Variants in CAPRIN1 observed in about 807,000 individuals in gnomAD.
The protein encoded by CAPRIN1 is caprin-1.
Under a neutral mutation model 100.9 loss-of-function variants are expected in CAPRIN1, and 29 were observed. That is an observed-to-expected ratio of 0.29 (90% CI 0.21 to 0.39). The LOEUF is 0.39. CAPRIN1 is among the 10% of genes least tolerant of loss of function. The pLI is 1.00. For missense variants in CAPRIN1, 795 were observed against 876.7 expected (o/e 0.91, Z 1.18); for synonymous variants, 338 against 307.5 (o/e 1.10, Z -1.04).
intron 18 of CAPRIN1, chr11:34,098,874 G>A: frequency 1.0e-6 from 1 of 992,806 alleles, no homozygotes; most frequent in Non-Finnish European, 1.2e-6. Flanking sequence ...TTTCATTCTG[G>A]TGCTTTTATT....
At chr11:34,078,432 A>T (rs1850946838) in intron 6 of CAPRIN1, among the ~76,000 whole-genome samples, 1 of 152,166 alleles carries the variant, frequency 6.6e-6, no homozygotes. Context: ...CTGCACTTTT[A>T]AAAAATACCC....
At chr11:34,083,930 A>G (rs1019226392) in intron 9 of CAPRIN1, among the ~76,000 whole-genome samples, 1 of 152,032 alleles carries the variant, frequency 6.6e-6, no homozygotes, top group Non-Finnish European at 1.5e-5. Flanking sequence ...AAACCTGGGC[A>G]TGGTGGTGCA....
At chr11:34,060,725 CT>C (rs1273207796) in intron 2 of CAPRIN1, among the ~76,000 whole-genome samples, 1 of 152,058 alleles carries the variant, frequency 6.6e-6, no homozygotes, top group African/African-American at 2.4e-5. Context: ...ATGCTGAAAG[CT>C]TGCTCATGTA....
chr11:34,058,471 T>C (rs535650407), intron 2 of CAPRIN1, among the ~76,000 whole-genome samples: 2 of 152,346 alleles, frequency 1.3e-5, no homozygotes, highest in South Asian at 4.1e-4. Context: ...AATTAGAATT[T>C]GTAATGTTCC....
At chr11:34,079,367 T>G (rs1850965779) in intron 6 of CAPRIN1, among the ~76,000 whole-genome samples, 1 of 152,182 alleles carries the variant, frequency 6.6e-6, no homozygotes, top group Non-Finnish European at 1.5e-5. Context: ...GCCACTGCAC[T>G]CCAGCCTGGG....
At chr11:34,065,208 C>T (rs1276728977) in intron 2 of CAPRIN1, among the ~76,000 whole-genome samples, 4 of 152,016 alleles carry the variant, frequency 2.6e-5, no homozygotes, top group Non-Finnish European at 5.9e-5. Flanking sequence ...GTGATCTGCC[C>T]GCCTCAGCCT....
intron 18 of CAPRIN1, chr11:34,098,544 A>C: frequency 1.0e-6 from 1 of 985,358 alleles, no homozygotes; most frequent in African/African-American, 1.7e-5. Context: ...TAACATGTAT[A>C]AAATGTGTGT....
Position 34,076,347 on chromosome 11 carries a change from G to A in CAPRIN1, c.478G>A (p.Gly160Arg). The A allele has an allele frequency of 6.2e-7, 1 of 1,614,180 alleles. No homozygotes were observed. The highest frequency in any genetic ancestry group is 8.5e-7 in the Non-Finnish European group (1 of 1,180,010). ...LELQYVLDKLGDDEVRTDLKQ... is the reference protein window; with the variant it reads ...LELQYVLDKLRDDEVRTDLKQ... ...GCTACAGTATGTTTTGGACAAATTGGGAGATGATGAAGTGCGGACTGACCT... is the reference window on the plus strand; with the variant it reads ...GCTACAGTATGTTTTGGACAAATTGAGAGATGATGAAGTGCGGACTGACCT... Residue 160 changes from glycine to arginine, a missense_variant, in exon 5 of 19, where the codon GGA (glycine) becomes AGA (arginine). Transcript: ENST00000341394.
chr11:34,055,211 T>G (rs554528217), intron 2 of CAPRIN1, among the ~76,000 whole-genome samples: 23 of 151,986 alleles, frequency 1.5e-4, no homozygotes, highest in Non-Finnish European at 2.6e-4. Context: ...GTGCCCAGGC[T>G]GGAGTGCGGT....
intron 15 of CAPRIN1, 149 bp downstream of exon 15, chr11:34,092,205 TA>T (rs1321382990): frequency 2.8e-6 from 2 of 722,900 alleles, no homozygotes; most frequent in Non-Finnish European, 2.1e-6. Context: ...GATCATGAGT[TA>T]AATTGAGTCT....
At chr11:34,099,074 G>C in intron 18 of CAPRIN1, 1 of 1,407,280 alleles carries the variant, frequency 7.1e-7, no homozygotes, top group Non-Finnish European at 9.2e-7. Flanking sequence ...ATGAGTACTG[G>C]TGGAATACTC....
chr11:34,065,944 CT>C (rs1405812570), intron 2 of CAPRIN1, among the ~76,000 whole-genome samples: 1 of 152,134 alleles, frequency 6.6e-6, no homozygotes, highest in African/African-American at 2.4e-5. Context: ...TATGATGAAA[CT>C]TTCTTTTTTT....
chr11:34,098,406 T>C (rs982266160), intron 18 of CAPRIN1: 1 of 985,242 alleles, frequency 1.0e-6, no homozygotes, highest in Non-Finnish European at 1.2e-6. Context: ...GTTGGAAAAC[T>C]ACTTCCCATT....
intron 16 of CAPRIN1, among the ~76,000 whole-genome samples, chr11:34,096,883 A>T (rs1034039481): frequency 2.0e-5 from 3 of 152,192 alleles, no homozygotes; most frequent in East Asian, 1.9e-4. Context: ...TCATTTGGTT[A>T]TGTCAAATTA....
At chr11:34,097,448 C>A in intron 17 of CAPRIN1, 152 bp downstream of exon 17, 2 of 733,548 alleles carry the variant, frequency 2.7e-6, no homozygotes, top group Non-Finnish European at 4.5e-6. Context: ...TAGCACTCAA[C>A]ATCAGTACTC....
chr11:34,058,147 T>G (rs969063149), intron 2 of CAPRIN1, among the ~76,000 whole-genome samples: 3 of 152,058 alleles, frequency 2.0e-5, no homozygotes, highest in Non-Finnish European at 4.4e-5. Flanking sequence ...TTCTCGCAGT[T>G]TTTTTTGAAA....
chr11:34,100,965 G>A lies in CAPRIN1; in HGVS notation c.*1598G>A, dbSNP rs188208561. The A allele has an allele frequency of 6.9e-4, 106 of 152,644 alleles. No homozygotes were observed. The highest frequency in any genetic ancestry group is 2.4e-3 in the African/African-American group (99 of 41,524). 9.5% of individuals were successfully genotyped at this position (152,644 alleles called of 1,614,324 possible). On this transcript the variant is annotated 3_prime_UTR_variant, in exon 19 of 19. Coordinates refer to ENST00000341394, the MANE Select transcript of CAPRIN1 (RefSeq NM_005898.5). Reference sequence around the variant, plus strand: ...TTTAGCCCAGGAATTCTTCCAGTAGGTGCTCAGCTATTTAAAAACAAAACT... The same window carrying A: ...TTTAGCCCAGGAATTCTTCCAGTAGATGCTCAGCTATTTAAAAACAAAACT...
chr11:34,079,511 A>G (rs1485591338), intron 6 of CAPRIN1, 117 bp from the exon 7 acceptor site: 9 of 595,934 alleles, frequency 1.5e-5, no homozygotes, highest in Admixed American at 3.0e-5. Context: ...TTTTATGTGT[A>G]TATGTGTTTT....
At chr11:34,060,994 T>C (rs929443522) in intron 2 of CAPRIN1, among the ~76,000 whole-genome samples, 1 of 150,870 alleles carries the variant, frequency 6.6e-6, no homozygotes, top group Non-Finnish European at 1.5e-5. Flanking sequence ...CTGGAACTTG[T>C]TAACATTTCT....
Sources: allele counts gnomAD v4.1 joint callset (sites outside exome capture counted in the v4.1 genomes callset), GRCh38; gene constraint gnomAD v4.1.1; transcripts MANE v1.5; gene names NCBI Gene and HGNC (gene_info 2026-07-23, HGNC 2026-07-21).